Variants in AHNAK observed in about 807,000 individuals in gnomAD.
The protein encoded by AHNAK is AHNAK nucleoprotein, also known as neuroblast differentiation-associated protein AHNAK.
A neutral mutation model predicts 37.8 loss-of-function variants in AHNAK; 23 were observed. The observed-to-expected ratio is 0.61, with a 90% CI of 0.44 to 0.86. AHNAK has a LOEUF of 0.86. Among genes scored for constraint, AHNAK ranks in the 40% least tolerant of loss-of-function variants. AHNAK has a pLI of 0.00. For synonymous variants in AHNAK, 2,481 were observed against 2,636.3 expected (o/e 0.94, Z 1.80); for missense variants, 7,411 against 7,319.4 (o/e 1.01, Z -0.46).
chr11:62,519,958 A>G lies in AHNAK; in HGVS notation c.14459T>C (p.Ile4820Thr), dbSNP rs757751968. The G allele has an allele frequency of 2.5e-6, 4 of 1,612,930 alleles. No homozygotes were observed. In the African/African-American group the frequency reaches 5.4e-5, roughly 22 times the overall value. The change falls in exon 5 of 5, where the codon ATT becomes ACT. Residue 4820 changes from isoleucine (I) to threonine (T), a missense_variant. Physicochemically the swap from Ile to Thr is moderately conservative, Grantham distance 89. Coordinates refer to ENST00000378024, the MANE Select transcript of AHNAK (RefSeq NM_001620.3). Reference sequence around the variant, plus strand: ...TGGACCTTCGATATTCACATCTGGAATATCAACGTCCACCTTGGGTCCCGA... The same window carrying G: ...TGGACCTTCGATATTCACATCTGGAGTATCAACGTCCACCTTGGGTCCCGA... ...DVSGPKVDVD[I>T]PDVNIEGPDA...
rs572138873 is a variant in AHNAK at position 62,500,652 on chromosome 11, T to C, written c.343-8821A>G. On this transcript the variant is annotated intron_variant, in intron 4 of 5. Transcript: ENST00000257247. ...GTTGATCATACCAGAAATCGAGCTA[T>C]AGAACCGCCTCAACATCATTTTTTT... 2.0e-5 allele frequency among the ~76,000 whole-genome samples: 3 copies of C among 152,320 alleles called. No homozygotes were observed. The South Asian group carries it at 6.2e-4, about 32-fold the overall frequency.
intron 5 of AHNAK, among the ~76,000 whole-genome samples, chr11:62,472,535 C>T (rs1939054681): frequency 6.6e-6 from 1 of 152,052 alleles, no homozygotes; most frequent in Non-Finnish European, 1.5e-5. Context: ...GCCTCTCAGC[C>T]CACACTCACT....
At position 62,523,683 on chromosome 11, in the gene AHNAK, A is replaced by G; in HGVS notation, c.10734T>C (p.Asp3578=). The G allele has an allele frequency of 3.1e-6, 5 of 1,613,862 alleles. No homozygotes were observed. Among genetic ancestry groups the G allele is most frequent in the Non-Finnish European group, 4.2e-6 (5 of 1,179,992 alleles). The change falls in exon 5 of 5, where the codon GAT becomes GAC. Residue 3578 remains aspartate, a synonymous_variant. Coordinates refer to ENST00000378024, the MANE Select transcript of AHNAK (RefSeq NM_001620.3). ...TGATGTCCACTTTAGGGCCTTTGATATCAACCTCTGGCCCTTTCAGATCCC... is the reference window on the plus strand; with the variant it reads ...TGATGTCCACTTTAGGGCCTTTGATGTCAACCTCTGGCCCTTTCAGATCCC... ...LEGDLKGPEV[D]IKGPKVDINA...
chr11:62,523,933 G>GCTA lies in AHNAK; in HGVS notation c.10481_10483dup (p.Val3494dup). The GCTA allele has an allele frequency of 6.2e-7, 1 of 1,613,724 alleles. No individual in the cohort carries two copies. The highest frequency in any genetic ancestry group is 8.5e-7 in the Non-Finnish European group (1 of 1,179,930). ...GATGTCTCCTTTTGGTAGATCCACA[G>GCTA]CTACATCTGGCCCTTCTGCTTTTAA... On this transcript the variant is annotated inframe_insertion, in exon 5 of 5. Coordinates refer to ENST00000378024, the MANE Select transcript of AHNAK (RefSeq NM_001620.3).
rs1940119560 is a variant in AHNAK, at chr11:62,518,814, TA to T, written c.15602del (p.Val5201GlufsTer3). On this transcript the variant is annotated frameshift_variant, in exon 5 of 5. Transcript: ENST00000378024. LOFTEE classifies it low-confidence loss of function (END_TRUNC). ...CCTTTATCTTTGGTCCTTTCAAGTTTACATTCACATCAGGGATGGAGACTTG... is the reference window on the plus strand; with the variant it reads ...CCTTTATCTTTGGTCCTTTCAAGTTTCATTCACATCAGGGATGGAGACTTG... ...APQVSIPDVNVNLKGPKIKGD... is the reference protein window; with the variant it reads ...APQVSIPDVNXNLKGPKIKGD... The T allele has an allele frequency of 6.2e-7, 1 of 1,614,132 alleles. No homozygotes were observed.
At chr11:62,463,909 G>A (rs1370234987) in intron 5 of AHNAK, among the ~76,000 whole-genome samples, 2 of 149,240 alleles carry the variant, frequency 1.3e-5, no homozygotes, top group Admixed American at 1.4e-4. Flanking sequence ...AATTACAGGC[G>A]CCCGCCACCA....
intron 5 of AHNAK, among the ~76,000 whole-genome samples, chr11:62,488,193 T>C (rs1939430132): frequency 6.6e-6 from 1 of 152,190 alleles, no homozygotes; most frequent in South Asian, 2.1e-4. Flanking sequence ...GCACCCAGTG[T>C]ACAAGTCCTT....
chr11:62,543,268 C>T (rs1193170933), intron 1 of AHNAK, among the ~76,000 whole-genome samples: 1 of 152,218 alleles, frequency 6.6e-6, no homozygotes, highest in Admixed American at 6.5e-5. Flanking sequence ...TTACCTACAA[C>T]CCCTACGGGC....
Position 62,518,261 on chromosome 11 carries a change from A to C in AHNAK, c.16156T>G (p.Ser5386Ala). 6.2e-7 allele frequency: 1 copy of C among 1,614,036 alleles called. No homozygotes were observed. The highest frequency in any genetic ancestry group is 8.5e-7 in the Non-Finnish European group (1 of 1,179,998). ...AAGCTTAGATCAGGAGCTCCTACGG[A>C]TACTTTAGGGCATTTGATGTCACCA... ...VSGDIKCPKV[S>A]VGAPDLSLEA... is the part of the protein sequence containing the mutation. The change falls in exon 5 of 5, where the codon TCC (serine) becomes GCC (alanine). Residue 5386 changes from serine to alanine, a missense_variant. Coordinates refer to ENST00000378024, the MANE Select transcript of AHNAK (RefSeq NM_001620.3).
intron 5 of AHNAK, among the ~76,000 whole-genome samples, chr11:62,473,781 A>G (rs924232610): frequency 3.9e-5 from 6 of 152,138 alleles, no homozygotes; most frequent in African/African-American, 1.4e-4. Flanking sequence ...GGATTGCTTG[A>G]GCCCAGGAGT....
chr11:62,527,579 C>G lies in AHNAK; in HGVS notation c.6838G>C (p.Asp2280His), dbSNP rs746332471. 7 of 1,613,318 alleles carry G rather than the reference C, an allele frequency of 4.3e-6. No individual in the cohort carries two copies. The East Asian group carries it at 1.3e-4, about 31-fold the overall frequency. The change falls in exon 5 of 5, where the codon GAT becomes CAT. Residue 2280 changes from aspartate to histidine, a missense_variant. Transcript: ENST00000378024. Reference protein sequence around the residue: ...ADVDVSGPKVDVEVPDVSLEG... With the variant: ...ADVDVSGPKVHVEVPDVSLEG... ...AGGCTCACATCTGGGACTTCAACAT[C>G]CACCTTGGGTCCTGAGACATCAACG...
rs549426429 is a variant in AHNAK, at chr11:62,518,521, C to T, written c.15896G>A (p.Gly5299Glu). 1.2e-6 allele frequency: 2 copies of T among 1,614,038 alleles called. No homozygotes were observed. The highest frequency in any genetic ancestry group is 2.7e-5 in the African/African-American group (2 of 75,022). Residue 5299 changes from glycine to glutamate, a missense_variant, in exon 5 of 5, where the codon GGG becomes GAG. By Grantham distance (98) the Gly-to-Glu change is moderately conservative (BLOSUM62 -2). Transcript: ENST00000378024. ...TTTCAAGTTCAGATCAAGGTCAGGCCCAGAGACTTTTGGCATAGAGAGGTT... is the reference window on the plus strand; with the variant it reads ...TTTCAAGTTCAGATCAAGGTCAGGCTCAGAGACTTTTGGCATAGAGAGGTT... Reference protein sequence around the residue: ...SVNLSMPKVSGPDLDLNLKGP... With the variant: ...SVNLSMPKVSEPDLDLNLKGP...
rs1263382872 is a variant in AHNAK, at chr11:62,546,698, G to C, written c.-138C>G. ...CCCAGGGCACGGCCATAGCCGGCGC[G>C]AGGCCCAAGGCTGCGGTGCTGCGGC... On this transcript the variant is annotated 5_prime_UTR_variant, in exon 1 of 5. Coordinates refer to ENST00000378024, the MANE Select transcript of AHNAK (RefSeq NM_001620.3). 1 of 152,424 alleles carries C rather than the reference G, an allele frequency of 6.6e-6. No individual in the cohort carries two copies. Among genetic ancestry groups the C allele is most frequent in the Non-Finnish European group, 1.5e-5 (1 of 68,208 alleles). The allele number at this position is 152,424 out of a possible 1,614,324, so 9.4% of individuals were successfully genotyped here. A position where few individuals can be genotyped will look rare whatever the true frequency, so the allele number is the denominator to read the frequency against.
chr11:62,441,560 G>A (rs763410486), intron 5 of AHNAK, among the ~76,000 whole-genome samples: 14 of 151,860 alleles, frequency 9.2e-5, no homozygotes, highest in Non-Finnish European at 1.8e-4. Context: ...GGAGTGCAGT[G>A]GCACGATCTT....
rs578120748 is a variant in AHNAK at position 62,518,941 on chromosome 11, A to G, written c.15476T>C (p.Leu5159Pro). ...GTTTGCCTGCACTTTGGGGCCTTTC[A>G]GGTCACCCTCTATTTTTGGCACTGA... The part of the protein sequence containing the change: ...DISVPKIEGD[L>P]KGPKVQANLG... The change falls in exon 5 of 5, where the codon CTG (leucine) becomes CCG (proline). Residue 5159 changes from leucine (L) to proline (P), a missense_variant. Leu to Pro is a moderately conservative substitution (Grantham distance 98). Coordinates refer to ENST00000378024, the MANE Select transcript of AHNAK (RefSeq NM_001620.3). 8.1e-6 allele frequency: 13 copies of G among 1,614,162 alleles called. No individual in the cohort carries two copies. Among genetic ancestry groups the G allele is most frequent in the Non-Finnish European group, 1.0e-5 (12 of 1,180,024 alleles).
Position 62,522,944 on chromosome 11 carries a change from C to A in AHNAK, c.11473G>T (p.Asp3825Tyr), listed in dbSNP as rs771609767. ...AGGTCAGCCTTGGGCAGGTTCACAT[C>A]CACATCTGGGCCCTCTCCTTTGAAG... is the stretch of plus-strand genomic sequence containing the variant. The part of the protein sequence containing the change: ...PGFKGEGPDV[D>Y]VNLPKADLDV... The change falls in exon 5 of 5, where the codon GAT becomes TAT. Residue 3825 changes from aspartate (D) to tyrosine (Y), a missense_variant. Asp to Tyr is a radical substitution (Grantham distance 160, BLOSUM62 -3). Coordinates refer to ENST00000378024, the MANE Select transcript of AHNAK (RefSeq NM_001620.3). The A allele has an allele frequency of 6.2e-6, 10 of 1,613,626 alleles. No homozygotes were observed. The highest frequency in any genetic ancestry group is 8.5e-6 in the Non-Finnish European group (10 of 1,179,948).
intron 5 of AHNAK, among the ~76,000 whole-genome samples, chr11:62,471,642 C>T (rs1168309328): frequency 6.6e-6 from 1 of 152,166 alleles, no homozygotes; most frequent in Non-Finnish European, 1.5e-5. Context: ...TAGGGATGCT[C>T]AACCTGCACT....
chr11:62,521,177 G>C lies in AHNAK; in HGVS notation c.13240C>G (p.Leu4414Val), dbSNP rs77865984. Residue 4414 changes from leucine to valine, a missense_variant, in exon 5 of 5, where the codon CTC (leucine) becomes GTC (valine). Coordinates refer to ENST00000378024, the MANE Select transcript of AHNAK (RefSeq NM_001620.3). The part of the protein sequence containing the change: ...DVSLPKVEGD[L>V]KGPEIDIKGP... Reference sequence around the variant, plus strand: ...TTTATGTCAATTTCAGGGCCCTTGAGATCACCTTCCACTTTGGGCAGAGAG... The same window carrying C: ...TTTATGTCAATTTCAGGGCCCTTGACATCACCTTCCACTTTGGGCAGAGAG... 8,826 of 1,614,036 alleles carry C rather than the reference G, an allele frequency of 5.5e-3. 593 individuals carry two copies. In the East Asian group the frequency reaches 0.15, roughly 28 times the overall value.
Position 62,521,749 on chromosome 11 carries a change from T to C in AHNAK, c.12668A>G (p.Lys4223Arg). The stretch of plus-strand genomic sequence containing the variant: ...CACATCAGGAACATCAATGTCCACC[T>C]TGGGTCCTGAGACGTCAAGGTCAGC... ...PKADLDVSGP[K>R]VDIDVPDVNI... Residue 4223 changes from lysine (K) to arginine (R), a missense_variant, in exon 5 of 5, where the codon AAG becomes AGG. By Grantham distance (26) the Lys-to-Arg change is conservative. Coordinates refer to ENST00000378024, the MANE Select transcript of AHNAK (RefSeq NM_001620.3). The C allele has an allele frequency of 6.2e-7, 1 of 1,613,788 alleles. No individual in the cohort carries two copies. Among genetic ancestry groups the C allele is most frequent in the Non-Finnish European group, 8.5e-7 (1 of 1,179,952 alleles).
Sources: allele counts gnomAD v4.1 joint callset (sites outside exome capture counted in the v4.1 genomes callset), GRCh38; gene constraint gnomAD v4.1.1; transcripts MANE v1.5; gene names NCBI Gene and HGNC (gene_info 2026-07-23, HGNC 2026-07-21).